PPWD1: variants seen among roughly 807,000 people sequenced by gnomAD.
PPWD1 encodes peptidylprolyl isomerase domain and WD repeat-containing protein 1.
PPWD1 carries 43 observed loss-of-function variants against 68.8 expected under a neutral mutation model. The observed-to-expected ratio is 0.62, with a 90% CI of 0.49 to 0.81. The LOEUF (loss-of-function observed/expected upper bound fraction) is 0.81. Among genes scored for constraint, PPWD1 ranks in the 30% least tolerant of loss-of-function variants. The probability of loss-of-function intolerance (pLI) is 0.00; values close to 1 mark genes in which losing one functional copy is unlikely to be tolerated. For missense variants in PPWD1, 672 were observed against 804.8 expected, an observed-to-expected ratio of 0.83 and a Z score of 2.00; for synonymous variants, 232 against 258.7, an observed-to-expected ratio of 0.90 and a Z score of 0.99.
At chr5:65,570,193 A>G in intron 4 of PPWD1, 195 bp downstream of exon 4, 2 of 917,590 alleles carry the variant, frequency 2.2e-6, no homozygotes, top group African/African-American at 1.8e-5. Context: ...TTTGTTATCA[A>G]TCACAGAAAT....
chr5:65,569,216 A>G (rs1239849507), intron 2 of PPWD1: 1 of 302,852 alleles, frequency 3.3e-6, no homozygotes, highest in Non-Finnish European at 6.4e-6. Flanking sequence ...AGGATATAAA[A>G]AAAACTTTTG....
At chr5:65,571,107 CT>C (rs1752990602) in intron 4 of PPWD1, among the ~76,000 whole-genome samples, 1 of 152,076 alleles carries the variant, frequency 6.6e-6, no homozygotes, top group Non-Finnish European at 1.5e-5. Context: ...AATGTTTGCC[CT>C]TTGAGAATAC....
At chr5:65,578,762 ATAT>A (rs1753440287) in intron 6 of PPWD1, among the ~76,000 whole-genome samples, 1 of 68,408 alleles carries the variant, frequency 1.5e-5, no homozygotes, top group Non-Finnish European at 3.1e-5. Context: ...ATATATGTGT[ATAT>A]ATATATACAT....
Position 65,577,077 on chromosome 5 carries a change from TTAA to T in PPWD1, c.1160+11_1160+13del. The T allele has an allele frequency of 6.2e-7, 1 of 1,604,506 alleles. No individual in the cohort carries two copies. The highest frequency in any genetic ancestry group is 8.5e-7 in the Non-Finnish European group (1 of 1,173,266). ...AAATGTAGAGACAAACCGGTAAGCTTTAATATGAGGTATGTTTTTTAAAAATGT... is the reference window on the plus strand; with the variant it reads ...AAATGTAGAGACAAACCGGTAAGCTTTATGAGGTATGTTTTTTAAAAATGT... On this transcript the variant is annotated intron_variant, in intron 6 of 10. Transcript: ENST00000261308.
intron 6 of PPWD1, chr5:65,579,210 C>G (rs1368913726): frequency 3.0e-6 from 2 of 657,308 alleles, no homozygotes; most frequent in African/African-American, 2.2e-5. Flanking sequence ...AGCCACCGTG[C>G]CTGGCCTCAT....
intron 9 of PPWD1, among the ~76,000 whole-genome samples, 163 bp downstream of exon 9, chr5:65,585,258 T>C (rs553771961): frequency 6.6e-6 from 1 of 152,170 alleles, no homozygotes; most frequent in African/African-American, 2.4e-5. Context: ...GTCATAAATA[T>C]CAACATCTAG....
At chr5:65,587,176 T>C in intron 10 of PPWD1, 77 bp from the exon 11 acceptor site, 1 of 1,411,860 alleles carries the variant, frequency 7.1e-7, no homozygotes, top group Admixed American at 2.4e-5. Flanking sequence ...TTAAATTCTC[T>C]TTAATTTGCT....
intron 4 of PPWD1, 43 bp from the exon 5 acceptor site, chr5:65,571,796 G>C: frequency 6.3e-7 from 1 of 1,587,880 alleles, no homozygotes; most frequent in Non-Finnish European, 8.6e-7. Context: ...CTTGCTTGTT[G>C]TGCTGACCTT....
rs561055896 is a variant in PPWD1 at position 65,579,562 on chromosome 5, A to C, written c.1299A>C (p.Gln433His). The C allele has an allele frequency of 2.5e-6, 4 of 1,608,220 alleles. No homozygotes were observed. ...AAAATCCTGTTCTTCAGAATATTCA[A>C]GCTGACCCAACAATAGTCTGTACAT... ...ASENPVLQNI[Q>H]ADPTIVCTSF... Residue 433 changes from glutamine to histidine, a missense_variant, in exon 7 of 11, where the codon CAA (glutamine) becomes CAC (histidine). Gln to His is a conservative substitution (Grantham distance 24). Around this residue, in one of 2 missense-constraint regions of PPWD1, gnomAD observed 484 missense variants for 646.2 expected, o/e 0.75. Transcript: ENST00000261308.
intron 1 of PPWD1, chr5:65,563,825 C>A: frequency 6.6e-7 from 1 of 1,503,874 alleles, no homozygotes; most frequent in Non-Finnish European, 8.9e-7. Context: ...GTTGGAATTT[C>A]GAACTCTTAT....
intron 7 of PPWD1, among the ~76,000 whole-genome samples, chr5:65,580,133 T>C (rs1753529161): frequency 6.6e-6 from 1 of 152,186 alleles, no homozygotes; most frequent in South Asian, 2.1e-4. Flanking sequence ...ACTGAGATAG[T>C]TAAAATCAAA....
chr5:65,575,145 A>C (rs1211507546), intron 5 of PPWD1, among the ~76,000 whole-genome samples: 1 of 152,232 alleles, frequency 6.6e-6, no homozygotes, highest in Non-Finnish European at 1.5e-5. Context: ...TATGAAGTCT[A>C]GAGCACTCTG....
chr5:65,563,516 G>C lies in PPWD1; in HGVS notation c.196+10G>C. 2 of 1,606,432 alleles carry C rather than the reference G, an allele frequency of 1.2e-6. No homozygotes were observed. Among genetic ancestry groups the C allele is most frequent in the East Asian group, 2.2e-5 (1 of 44,750 alleles). On this transcript the variant is annotated intron_variant, in intron 1 of 10. Coordinates refer to ENST00000261308, the MANE Select transcript of PPWD1 (RefSeq NM_015342.4). ...GCCAAGAAGAGGAAAGGTAGCTGCA[G>C]ACATAGTACCGGGACGAATTGGAGT...
chr5:65,569,303 A>G lies in PPWD1; in HGVS notation c.300-329A>G, dbSNP rs1162200415. 3.6e-5 allele frequency: 10 copies of G among 279,678 alleles called. No homozygotes were observed. In the Admixed American group the frequency reaches 5.0e-4, roughly 14 times the overall value. 17.3% of individuals were successfully genotyped at this position (279,678 alleles called of 1,614,324 possible). ...CTGACAAATAGTTTATTTTCTTGTG[A>G]AAAGACTGTCTGTAGGGTAATTTTA... is the stretch of plus-strand genomic sequence containing the variant. On this transcript the variant is annotated intron_variant, in intron 2 of 10. Transcript: ENST00000261308.
At chr5:65,567,199 TTTTC>T (rs1365296306) in intron 1 of PPWD1, among the ~76,000 whole-genome samples, 6 of 152,050 alleles carry the variant, frequency 3.9e-5, no homozygotes, top group Non-Finnish European at 8.8e-5. Context: ...TTCTTTTTTC[TTTTC>T]TTTTTTTTTA....
At position 65,585,011 on chromosome 5, in the gene PPWD1, T is replaced by C. The variant is rs1753766650; in HGVS notation, c.1533-3T>C. On this transcript the variant is annotated splice_region_variant and splice_polypyrimidine_tract_variant and intron_variant, in intron 8 of 10. Transcript: ENST00000261308. ...TTCATATTTGTAACATATGTCTTAA[T>C]AGGTGCCCTAAGACAGTGGAAAACT... 1.9e-6 allele frequency: 3 copies of C among 1,610,204 alleles called. No homozygotes were observed. Among genetic ancestry groups the C allele is most frequent in the Non-Finnish European group, 2.5e-6 (3 of 1,177,270 alleles).
intron 5 of PPWD1, among the ~76,000 whole-genome samples, chr5:65,575,180 C>A (rs1753225558): frequency 6.6e-6 from 1 of 152,154 alleles, no homozygotes; most frequent in South Asian, 2.1e-4. Context: ...CAGGTACTTA[C>A]CAGGTTGGAT....
At chr5:65,570,221 AC>A in intron 4 of PPWD1, 1 of 927,262 alleles carries the variant, frequency 1.1e-6, no homozygotes, top group Non-Finnish European at 1.3e-6. Context: ...CAGCATCATA[AC>A]AAGGATTCCT....
chr5:65,585,017 C>A lies in PPWD1; in HGVS notation c.1536C>A (p.Cys512Ter). ...TTTGTAACATATGTCTTAATAGGTG[C>A]CCTAAGACAGTGGAAAACTTCTGTG... ...DIHTKLFPVE[C>*]PKTVENFCVH... is the part of the protein sequence containing the mutation. Residue 512 changes from cysteine (C) to a stop codon, truncating the protein, a stop_gained, in exon 9 of 11, where the codon TGC becomes TGA. Transcript: ENST00000261308. LOFTEE classifies it high-confidence loss of function. 6.2e-7 allele frequency: 1 copy of A among 1,610,414 alleles called. No homozygotes were observed. The highest frequency in any genetic ancestry group is 8.5e-7 in the Non-Finnish European group (1 of 1,177,062).
Sources: gnomAD v4.1 joint callset for allele counts (sites outside exome capture counted in the v4.1 genomes callset) on GRCh38, gnomAD v4.1.1 for gene constraint, gnomAD v4.1.1 regional missense constraint, MANE v1.5 for transcripts, NCBI Gene and HGNC (gene_info 2026-07-23, HGNC 2026-07-21) for gene names.